The following PTPRD variants were observed in gnomAD, a reference collection of about 807,000 sequenced individuals.
PTPRD encodes the protein receptor-type tyrosine-protein phosphatase delta.
A neutral mutation model predicts 214.5 loss-of-function variants in PTPRD; 34 were observed. The observed-to-expected ratio is 0.16, with a 90% CI of 0.12 to 0.21. PTPRD has a LOEUF of 0.21. Ranked by LOEUF, PTPRD falls within the 10% of genes least tolerant of loss-of-function variation. The probability of loss-of-function intolerance (pLI) is 1.00; values close to 1 mark genes in which losing one functional copy is unlikely to be tolerated. For synonymous variants in PTPRD, 1,128 were observed against 845.7 expected (o/e 1.33, Z -5.79); for missense variants, 2,545 against 2,398.7 (o/e 1.06, Z -1.27).
intron 10 of PTPRD, among the ~76,000 whole-genome samples, chr9:9,112,423 C>A (rs2099807347): frequency 6.6e-6 from 1 of 152,108 alleles, no homozygotes; most frequent in African/African-American, 2.4e-5. Flanking sequence ...GCTTTTTTTC[C>A]TGCACAGCCT....
At chr9:9,571,797 C>G (rs1195652924) in intron 8 of PTPRD, among the ~76,000 whole-genome samples, 6 of 150,698 alleles carry the variant, frequency 4.0e-5, no homozygotes, top group Non-Finnish European at 5.9e-5. Flanking sequence ...AACTACATAT[C>G]AATGTATTAA....
chr9:9,281,546 A>G (rs1390106936), intron 9 of PTPRD, among the ~76,000 whole-genome samples: 2 of 151,350 alleles, frequency 1.3e-5, no homozygotes, highest in African/African-American at 2.4e-5. Flanking sequence ...CAACAATGAA[A>G]TATTACTACA....
chr9:9,200,978 T>A (rs979165737), intron 9 of PTPRD, among the ~76,000 whole-genome samples: 1 of 152,168 alleles, frequency 6.6e-6, no homozygotes, highest in Non-Finnish European at 1.5e-5. Context: ...GCTGCAAATA[T>A]CTTAAATTCT....
rs59824704 is a variant in PTPRD, at chr9:9,087,878, C to CTTTTTTT, written c.-142-69150_-142-69144dup. ...TTATTTTCCACCAGAGCCCTAAACT[C>CTTTTTTT]TTTTTTTTTTTTTTTTTTTTTTTTT... On this transcript the variant is annotated intron_variant, in intron 10 of 45. Coordinates refer to ENST00000381196, the MANE Select transcript of PTPRD (RefSeq NM_002839.4). Among the ~76,000 whole-genome samples the CTTTTTTT allele has an allele frequency of 6.7e-4, 46 of 68,648 alleles. 9 individuals are homozygous for CTTTTTTT. The highest frequency in any genetic ancestry group is 5.2e-4 in the East Asian group (1 of 1,918). 45.0% of individuals were successfully genotyped at this position (68,648 alleles called of 152,430 possible). A position where few individuals can be genotyped will look rare whatever the true frequency, so the allele number is the denominator to read the frequency against.
chr9:8,398,664 A>G (rs948590851), intron 36 of PTPRD, among the ~76,000 whole-genome samples: 2 of 152,148 alleles, frequency 1.3e-5, no homozygotes, highest in Admixed American at 1.3e-4. Flanking sequence ...AGCTTGAAAG[A>G]TTAAGTTTGC....
chr9:9,238,388 T>A (rs1374428102), intron 9 of PTPRD, among the ~76,000 whole-genome samples: 1 of 152,070 alleles, frequency 6.6e-6, no homozygotes, highest in African/African-American at 2.4e-5. Context: ...CATTAAGTAA[T>A]TATTGCTGCA....
intron 7 of PTPRD, among the ~76,000 whole-genome samples, chr9:9,627,817 T>C (rs2095470827): frequency 6.6e-6 from 1 of 152,186 alleles, no homozygotes; most frequent in Non-Finnish European, 1.5e-5. Flanking sequence ...ACAAATTCAT[T>C]AAATTCTATG....
At chr9:9,095,327 G>C (rs1433203589) in intron 10 of PTPRD, among the ~76,000 whole-genome samples, 1 of 152,114 alleles carries the variant, frequency 6.6e-6, no homozygotes, top group African/African-American at 2.4e-5. Context: ...TTTATTCACA[G>C]CCAATATGAC....
intron 2 of PTPRD, among the ~76,000 whole-genome samples, chr9:10,349,079 C>G (rs2097139153): frequency 6.6e-6 from 1 of 151,952 alleles, no homozygotes; most frequent in Admixed American, 6.6e-5. Context: ...GCCTTATTGT[C>G]TATGTTATAT....
At chr9:9,243,931 C>G (rs979015793) in intron 9 of PTPRD, among the ~76,000 whole-genome samples, 1 of 152,184 alleles carries the variant, frequency 6.6e-6, no homozygotes, top group East Asian at 1.9e-4. Flanking sequence ...TGACAAGCAA[C>G]TTCAGCAAAG....
At chr9:9,965,758 G>A (rs1026717852) in intron 4 of PTPRD, among the ~76,000 whole-genome samples, 1 of 152,072 alleles carries the variant, frequency 6.6e-6, no homozygotes, top group Non-Finnish European at 1.5e-5. Context: ...TATCACAATT[G>A]TTAAATGAAA....
intron 13 of PTPRD, among the ~76,000 whole-genome samples, 181 bp downstream of exon 13, chr9:8,636,518 G>C (rs1595787497): frequency 6.6e-6 from 1 of 152,190 alleles, no homozygotes; most frequent in Non-Finnish European, 1.5e-5. Context: ...ATCAGCCCTT[G>C]AACCCCCAAA....
intron 12 of PTPRD, among the ~76,000 whole-genome samples, chr9:8,645,661 G>C (rs76757259): frequency 2.0e-5 from 3 of 151,890 alleles, no homozygotes; most frequent in Non-Finnish European, 4.4e-5. Context: ...GAAGAAGAAA[G>C]GGAAGGAAGA....
intron 11 of PTPRD, among the ~76,000 whole-genome samples, chr9:8,958,537 A>G (rs900553480): frequency 1.4e-4 from 21 of 151,980 alleles, no homozygotes; most frequent in Admixed American, 1.3e-3. Flanking sequence ...ACCAGTCATG[A>G]TAAACCCATT....
intron 3 of PTPRD, among the ~76,000 whole-genome samples, chr9:10,105,468 G>A (rs1016337644): frequency 4.6e-5 from 7 of 151,818 alleles, no homozygotes; most frequent in Non-Finnish European, 7.4e-5. Context: ...TAGAAGGTAA[G>A]AAAGCATGAT....
At chr9:9,367,343 A>C (rs188446555) in intron 9 of PTPRD, among the ~76,000 whole-genome samples, 2 of 151,746 alleles carry the variant, frequency 1.3e-5, no homozygotes, top group Non-Finnish European at 3.0e-5. Context: ...AGTAAATAAA[A>C]GGAAAAATAT....
At position 10,294,183 on chromosome 9, in the gene PTPRD, C is replaced by T. The variant is rs573838075; in HGVS notation, c.-545+46780G>A. Among the ~76,000 whole-genome samples, 5 of 151,900 alleles carry T rather than the reference C, an allele frequency of 3.3e-5. No homozygotes were observed. In the South Asian group the frequency reaches 8.3e-4, roughly 25 times the overall value. On this transcript the variant is annotated intron_variant, in intron 3 of 45. Coordinates refer to ENST00000381196, the MANE Select transcript of PTPRD (RefSeq NM_002839.4). ...TAAACACTGCCCAAAAACCTTTTTC[C>T]CCCAATTTCCCAAGTTTATTGATAA...
chr9:10,174,881 T>C (rs780030622), intron 3 of PTPRD, among the ~76,000 whole-genome samples: 4 of 152,138 alleles, frequency 2.6e-5, no homozygotes, highest in Non-Finnish European at 4.4e-5. Context: ...TGGACATTGT[T>C]ACAGCTTTTC....
rs1387847125 is a variant in PTPRD at position 8,428,955 on chromosome 9, T to C, written c.4086+7637A>G. Among the ~76,000 whole-genome samples the C allele has an allele frequency of 3.3e-5, 5 of 152,326 alleles. No homozygotes were observed. In the East Asian group the frequency reaches 7.7e-4, roughly 24 times the overall value. The stretch of plus-strand genomic sequence containing the variant: ...TAGAAATGTTTTCTTTTGTGGTCAT[T>C]GCTTAGATGACAGACAATTTTTGTC... On this transcript the variant is annotated intron_variant, in intron 35 of 45. Coordinates refer to ENST00000381196, the MANE Select transcript of PTPRD (RefSeq NM_002839.4).
Sources: gnomAD v4.1 joint callset for allele counts (sites outside exome capture counted in the v4.1 genomes callset) on GRCh38, gnomAD v4.1.1 for gene constraint, MANE v1.5 for transcripts, NCBI Gene and HGNC (gene_info 2026-07-23, HGNC 2026-07-21) for gene names.